Variants in GALNT17 observed in about 807,000 individuals in gnomAD.
GALNT17 encodes the protein UDP-GalNAc:polypeptide N-acetylgalactosaminyltransferase-like 3.
In GALNT17, 29 loss-of-function variants were observed where a neutral mutation model predicts 63.7. The ratio of observed to expected loss-of-function variants is 0.46; its 90% CI spans 0.34 to 0.62. The LOEUF (loss-of-function observed/expected upper bound fraction) is 0.62. Among genes scored for constraint, GALNT17 ranks in the 20% least tolerant of loss-of-function variants. GALNT17 has a pLI of 0.01. For synonymous variants in GALNT17, 305 were observed against 318.3 expected, an observed-to-expected ratio of 0.96 and a Z score of 0.45; for missense variants, 603 against 799.6, an observed-to-expected ratio of 0.75 and a Z score of 2.97.
At chr7:71,534,636 C>T (rs1039536286) in intron 5 of GALNT17, among the ~76,000 whole-genome samples, 1 of 150,006 alleles carries the variant, frequency 6.7e-6, no homozygotes, top group African/African-American at 2.5e-5. Context: ...CTCATGAGAA[C>T]TCATTCACTA....
At chr7:71,646,496 A>G (rs1852184) in intron 6 of GALNT17, among the ~76,000 whole-genome samples, 65,819 of 151,862 alleles carry the variant, frequency 0.43, 16,538 homozygotes, top group East Asian at 0.73. Context: ...AATTTAATTT[A>G]TAGCTATTTT....
chr7:71,253,521 T>G (rs76378942), intron 1 of GALNT17, among the ~76,000 whole-genome samples: 17,677 of 151,742 alleles, frequency 0.12, 1,218 homozygotes, highest in South Asian at 0.21. Context: ...TCTTCCTTTT[T>G]TTTTTTTTTT....
chr7:71,461,604 C>T (rs1258061245), intron 5 of GALNT17, among the ~76,000 whole-genome samples: 1 of 152,168 alleles, frequency 6.6e-6, no homozygotes, highest in African/African-American at 2.4e-5. Context: ...CCTTTTTACT[C>T]AGTAGGGTGT....
intron 1 of GALNT17, among the ~76,000 whole-genome samples, chr7:71,236,519 T>C (rs1191326927): frequency 6.6e-6 from 1 of 152,174 alleles, no homozygotes; most frequent in African/African-American, 2.4e-5. Context: ...ATTGGCTGCC[T>C]ATAGGGGTGC....
chr7:71,193,794 G>A, intron 1 of GALNT17, among the ~76,000 whole-genome samples: 1 of 152,060 alleles, frequency 6.6e-6, no homozygotes. Context: ...TTTTATAAAA[G>A]GAAAGAATGA....
chr7:71,571,899 C>T (rs989569658), intron 6 of GALNT17, among the ~76,000 whole-genome samples: 20 of 151,998 alleles, frequency 1.3e-4, no homozygotes, highest in African/African-American at 4.4e-4. Flanking sequence ...TGTGTCCCAG[C>T]TCCTCTGGAG....
At position 71,486,343 on chromosome 7, in the gene GALNT17, T is replaced by G. The variant is rs1022075645; in HGVS notation, c.962+65238T>G. On this transcript the variant is annotated intron_variant, in intron 5 of 10. Coordinates refer to ENST00000333538, the MANE Select transcript of GALNT17 (RefSeq NM_022479.3). ...GCAAGAGCCTGTCTGAAAATAATAATAATAATAATAATAATAATAATAATA... is the reference window on the plus strand; with the variant it reads ...GCAAGAGCCTGTCTGAAAATAATAAGAATAATAATAATAATAATAATAATA... 1.5e-3 allele frequency among the ~76,000 whole-genome samples: 39 copies of G among 25,512 alleles called. 1 individual carries two copies. The East Asian group carries it at 0.078, about 51-fold the overall frequency. 16.7% of individuals were successfully genotyped at this position (25,512 alleles called of 152,430 possible).
At chr7:71,664,987 A>C (rs563495872) in intron 6 of GALNT17, among the ~76,000 whole-genome samples, 22 of 152,062 alleles carry the variant, frequency 1.4e-4, no homozygotes, top group African/African-American at 5.3e-4. Flanking sequence ...TTATTTATTT[A>C]TTTGTTTAGA....
At chr7:71,295,624 C>A (rs1245249778) in intron 1 of GALNT17, among the ~76,000 whole-genome samples, 2 of 151,238 alleles carry the variant, frequency 1.3e-5, no homozygotes, top group Non-Finnish European at 2.9e-5. Context: ...CCTCCACTTT[C>A]TTTTCTTTGC....
intron 1 of GALNT17, among the ~76,000 whole-genome samples, chr7:71,140,362 C>T (rs1787864010): frequency 6.6e-6 from 1 of 152,202 alleles, no homozygotes; most frequent in Non-Finnish European, 1.5e-5. Flanking sequence ...CCTCCAAGGA[C>T]TCATGGTGTC....
intron 1 of GALNT17, among the ~76,000 whole-genome samples, chr7:71,271,224 C>A (rs765940990): frequency 1.3e-5 from 2 of 152,178 alleles, no homozygotes; most frequent in African/African-American, 2.4e-5. Context: ...TTTACAATAG[C>A]CCATAGTTAG....
intron 1 of GALNT17, among the ~76,000 whole-genome samples, chr7:71,205,984 G>A (rs1304299315): frequency 6.6e-6 from 1 of 151,446 alleles, no homozygotes; most frequent in Non-Finnish European, 1.5e-5. Flanking sequence ...CTGAGCCACT[G>A]CATGTAGTCA....
intron 5 of GALNT17, among the ~76,000 whole-genome samples, chr7:71,540,106 T>TTTTTTTTTTTTTTTTTTTTTTTG (rs1788865145): frequency 9.8e-6 from 1 of 101,714 alleles, no homozygotes; most frequent in African/African-American, 3.8e-5. Context: ...TTTTTTTTTT[T>TTTTTTTTTTTTTTTTTTTTTTTG]TTTTTTTTTT....
At chr7:71,199,574 C>T (rs960349604) in intron 1 of GALNT17, among the ~76,000 whole-genome samples, 1 of 147,468 alleles carries the variant, frequency 6.8e-6, no homozygotes, top group African/African-American at 2.5e-5. Context: ...ATCCTGCCTA[C>T]CCTTCTGCTC....
At chr7:71,359,368 G>A (rs539117562) in intron 2 of GALNT17, among the ~76,000 whole-genome samples, 14 of 152,104 alleles carry the variant, frequency 9.2e-5, no homozygotes, top group Non-Finnish European at 2.1e-4. Flanking sequence ...GGCAGGTGCC[G>A]GGTGCCAGGC....
intron 1 of GALNT17, among the ~76,000 whole-genome samples, chr7:71,215,996 C>T (rs1395306212): frequency 6.6e-6 from 1 of 151,950 alleles, no homozygotes; most frequent in Non-Finnish European, 1.5e-5. Context: ...ATTGCTTGAC[C>T]CCAGGAGTTT....
Position 71,293,968 on chromosome 7 carries a change from G to A in GALNT17, c.239-41582G>A, listed in dbSNP as rs531097473. Among the ~76,000 whole-genome samples the A allele has an allele frequency of 2.0e-5, 3 of 152,186 alleles. No individual in the cohort carries two copies. In the East Asian group the frequency reaches 5.8e-4, roughly 30 times the overall value. ...AGGTCAGGAGATGGAGACCATCCTG[G>A]CTAACACGGTAAAACCCCGTCTCTA... On this transcript the variant is annotated intron_variant, in intron 1 of 10. Coordinates refer to ENST00000333538, the MANE Select transcript of GALNT17 (RefSeq NM_022479.3).
intron 5 of GALNT17, among the ~76,000 whole-genome samples, chr7:71,490,180 C>T (rs762206168): frequency 3.3e-5 from 5 of 151,674 alleles, no homozygotes; most frequent in Admixed American, 2.6e-4. Context: ...TCATTTGAAC[C>T]TGGGAGGCAG....
intron 1 of GALNT17, among the ~76,000 whole-genome samples, chr7:71,294,343 G>A (rs1035119812): frequency 1.3e-5 from 2 of 149,206 alleles, no homozygotes; most frequent in Admixed American, 1.3e-4. Context: ...TGCCCTTTTT[G>A]CTCTCTCTTC....
Sources: gnomAD v4.1 joint callset for allele counts (sites outside exome capture counted in the v4.1 genomes callset) on GRCh38, gnomAD v4.1.1 for gene constraint, MANE v1.5 for transcripts, NCBI Gene and HGNC (gene_info 2026-07-23, HGNC 2026-07-21) for gene names.